TMTC3: variants seen among roughly 807,000 people sequenced by gnomAD.
TMTC3 encodes the protein transmembrane O-mannosyltransferase targeting cadherins 3.
TMTC3 carries 52 observed loss-of-function variants against 92.2 expected under a neutral mutation model. The observed-to-expected ratio is 0.56, with a 90% confidence interval of 0.45 to 0.71. The LOEUF (loss-of-function observed/expected upper bound fraction) is 0.71, where lower values mean the gene tolerates loss of function less well. Among genes scored for constraint, TMTC3 ranks in the 30% least tolerant of loss-of-function variants. The pLI is 0.00. For synonymous variants in TMTC3, 339 were observed against 363.3 expected, an observed-to-expected ratio of 0.93 and a Z score of 0.76; for missense variants, 896 against 1,057.1, an observed-to-expected ratio of 0.85 and a Z score of 2.11.
In TMTC3 at chr12:88,198,194, CA is replaced by C. The variant is rs769527328; in HGVS notation, c.*2546del. ...CATTCAAACTGTTCAGGTGAGAAAA[CA>C]TAATGGATTTTTTTTTTTTTCCTCT... On this transcript the variant is annotated 3_prime_UTR_variant, in exon 14 of 14. Transcript: ENST00000266712. 10 of 395,352 alleles carry C rather than the reference CA, an allele frequency of 2.5e-5. No individual in the cohort carries two copies. Among genetic ancestry groups the C allele is most frequent in the Non-Finnish European group, 4.0e-5 (9 of 224,368 alleles). 24.5% of individuals were successfully genotyped at this position (395,352 alleles called of 1,614,324 possible).
chr12:88,192,001 G>GC (rs2041448381), intron 12 of TMTC3, among the ~76,000 whole-genome samples: 1 of 145,580 alleles, frequency 6.9e-6, no homozygotes, highest in Non-Finnish European at 1.5e-5. Context: ...GAGCCACCAT[G>GC]CCCAGCATTT....
intron 2 of TMTC3, among the ~76,000 whole-genome samples, chr12:88,150,096 G>A (rs558723408): frequency 2.6e-5 from 4 of 152,152 alleles, no homozygotes; most frequent in Non-Finnish European, 5.9e-5. Context: ...TAATATATAA[G>A]AAAAGAGGTT....
intron 2 of TMTC3, among the ~76,000 whole-genome samples, chr12:88,149,263 G>A (rs2040912790): frequency 6.6e-6 from 1 of 151,992 alleles, no homozygotes; most frequent in African/African-American, 2.4e-5. Context: ...TTACTGTTTT[G>A]AAGGTCACTG....
chr12:88,184,498 T>C (rs758524797), intron 10 of TMTC3, among the ~76,000 whole-genome samples: 94 of 152,218 alleles, frequency 6.2e-4, no homozygotes, highest in Non-Finnish European at 5.6e-4. Context: ...CCTATAACTT[T>C]TTCTTACAAC....
intron 4 of TMTC3, among the ~76,000 whole-genome samples, chr12:88,155,199 T>G (rs2040992208): frequency 6.6e-6 from 1 of 152,006 alleles, no homozygotes; most frequent in Non-Finnish European, 1.5e-5. Context: ...GACTAAAGAG[T>G]CTGGTTTCAA....
chr12:88,160,572 T>G (rs867796850), intron 5 of TMTC3, 107 bp from the exon 6 acceptor site: 1 of 995,250 alleles, frequency 1.0e-6, no homozygotes, highest in Non-Finnish European at 1.5e-6. Flanking sequence ...CCACATTAAT[T>G]TTATAATTAT....
intron 10 of TMTC3, among the ~76,000 whole-genome samples, chr12:88,184,533 C>A (rs747537402): frequency 2.0e-5 from 3 of 152,168 alleles, no homozygotes; most frequent in Non-Finnish European, 4.4e-5. Flanking sequence ...TGACCAAACT[C>A]CTACAGGAGG....
At chr12:88,186,531 G>T (rs1488825986) in intron 10 of TMTC3, among the ~76,000 whole-genome samples, 2 of 152,140 alleles carry the variant, frequency 1.3e-5, no homozygotes, top group African/African-American at 4.8e-5. Flanking sequence ...ATTTACCATT[G>T]AATTAAAAGC....
chr12:88,161,303 C>G (rs1349397275), intron 6 of TMTC3, among the ~76,000 whole-genome samples: 1 of 152,088 alleles, frequency 6.6e-6, no homozygotes, highest in African/African-American at 2.4e-5. Flanking sequence ...GGAACTGATC[C>G]CTTTGTCATT....
rs2041143961 is a variant in TMTC3 at position 88,166,386 on chromosome 12, A to G, written c.854A>G (p.Tyr285Cys). ...CCTACAAGGCAACTAACTTTTAACT[A>G]CCTCCTTCCTGTGAATGCTTGGTTG... ...PTPTRQLTFN[Y>C]LLPVNAWLLL... Residue 285 changes from tyrosine (Y) to cysteine (C), a missense_variant, in exon 7 of 14, where the codon TAC (tyrosine) becomes TGC (cysteine). Tyr to Cys is a radical substitution (Grantham distance 194, BLOSUM62 -2). Coordinates refer to ENST00000266712, the MANE Select transcript of TMTC3 (RefSeq NM_181783.4). The G allele has an allele frequency of 6.2e-7, 1 of 1,613,552 alleles. No homozygotes were observed. The highest frequency in any genetic ancestry group is 8.5e-7 in the Non-Finnish European group (1 of 1,179,842).
intron 1 of TMTC3, among the ~76,000 whole-genome samples, chr12:88,146,431 C>T (rs1399417828): frequency 6.6e-6 from 1 of 151,790 alleles, no homozygotes; most frequent in Non-Finnish European, 1.5e-5. Context: ...CTAAGATAAC[C>T]TATTAGAGGA....
chr12:88,174,833 A>G (rs1230558344), intron 9 of TMTC3, 106 bp downstream of exon 9: 7 of 1,347,166 alleles, frequency 5.2e-6, no homozygotes, highest in Non-Finnish European at 7.3e-6. Context: ...AACAGTCAAT[A>G]TTAAGTACTT....
rs1417420953 is a variant in TMTC3, at chr12:88,148,371, G to A, written c.56G>A (p.Cys19Tyr). ...TTAATAGTAGGTGTGGTTACTGCCT[G>A]CTATTGGAACAGCCTCTTTTGTGGT... ...ITLIVGVVTACYWNSLFCGFV... is the reference protein window; with the variant it reads ...ITLIVGVVTAYYWNSLFCGFV... Residue 19 changes from cysteine to tyrosine, a missense_variant, in exon 2 of 14, where the codon TGC becomes TAC. Coordinates refer to ENST00000266712, the MANE Select transcript of TMTC3 (RefSeq NM_181783.4). The A allele has an allele frequency of 3.1e-6, 5 of 1,613,518 alleles. No individual in the cohort carries two copies. The Admixed American group carries it at 6.7e-5, about 22-fold the overall frequency.
chr12:88,173,650 T>G (rs766130089), intron 8 of TMTC3, among the ~76,000 whole-genome samples: 10 of 152,090 alleles, frequency 6.6e-5, no homozygotes, highest in Non-Finnish European at 1.3e-4. Context: ...CTCATCCCTG[T>G]CTGCAATATT....
At chr12:88,190,716 T>A in intron 12 of TMTC3, 94 bp downstream of exon 12, 2 of 1,365,912 alleles carry the variant, frequency 1.5e-6, no homozygotes, top group African/African-American at 1.5e-5. Flanking sequence ...GAAAAAAAAT[T>A]ATGTTTTTAA....
intron 12 of TMTC3, among the ~76,000 whole-genome samples, chr12:88,191,387 G>T (rs2041440856): frequency 6.6e-6 from 1 of 151,724 alleles, no homozygotes; most frequent in African/African-American, 2.4e-5. Flanking sequence ...ATAATATTTT[G>T]GACAAACATT....
At chr12:88,154,200 C>G in intron 3 of TMTC3, 88 bp from the exon 4 acceptor site, 1 of 945,956 alleles carries the variant, frequency 1.1e-6, no homozygotes, top group Non-Finnish European at 1.5e-6. Context: ...TGAAAAGTTA[C>G]GGAAATTAAA....
intron 2 of TMTC3, 106 bp from the exon 3 acceptor site, chr12:88,153,185 A>ATT (rs2040963772): frequency 1.6e-6 from 1 of 620,828 alleles, no homozygotes; most frequent in East Asian, 2.9e-5. Flanking sequence ...GTTATTTCTC[A>ATT]GTAAAATGTA....
In TMTC3 at chr12:88,188,865, T is replaced by G; in HGVS notation, c.1455T>G (p.Asn485Lys). The G allele has an allele frequency of 6.3e-7, 1 of 1,588,762 alleles. No homozygotes were observed. The highest frequency in any genetic ancestry group is 8.6e-7 in the Non-Finnish European group (1 of 1,165,898). Residue 485 changes from asparagine (N) to lysine (K), a missense_variant, in exon 11 of 14, where the codon AAT becomes AAG. By Grantham distance (94) the Asn-to-Lys change is moderately conservative. Transcript: ENST00000266712. ...TAGATGATATTGGTGCCCATATGAA[T>G]GTAGGAAGAACTTATAAAAATTTAA... is the stretch of plus-strand genomic sequence containing the variant. Reference protein sequence around the residue: ...VQPDDIGAHMNVGRTYKNLNR... With the variant: ...VQPDDIGAHMKVGRTYKNLNR...
Sources: gnomAD v4.1 joint callset for allele counts (sites outside exome capture counted in the v4.1 genomes callset) on GRCh38, gnomAD v4.1.1 for gene constraint, MANE v1.5 for transcripts, NCBI Gene and HGNC (gene_info 2026-07-23, HGNC 2026-07-21) for gene names.